TFEC: variants seen among roughly 807,000 people sequenced by gnomAD.
The protein encoded by TFEC is class E basic helix-loop-helix protein 34.
A neutral mutation model predicts 41.6 loss-of-function variants in TFEC; 31 were observed. The observed-to-expected ratio is 0.74, with a 90% CI of 0.56 to 1.01. The LOEUF is 1.01. TFEC is among the 50% of genes least tolerant of loss of function. TFEC has a pLI of 0.00. For missense variants in TFEC, 402 were observed against 404.1 expected, an observed-to-expected ratio of 0.99 and a Z score of 0.04; for synonymous variants, 143 against 140.6, an observed-to-expected ratio of 1.02 and a Z score of -0.12.
At position 115,938,771 on chromosome 7, in the gene TFEC, G is replaced by C. The variant is rs1262152544; in HGVS notation, c.*1780C>G. The C allele has an allele frequency of 6.6e-6, 1 of 151,718 alleles. No homozygotes were observed. The highest frequency in any genetic ancestry group is 2.4e-5 in the African/African-American group (1 of 41,354). The allele number at this position is 151,718 out of a possible 1,614,324, so 9.4% of individuals were successfully genotyped here. On this transcript the variant is annotated 3_prime_UTR_variant, in exon 8 of 8. Coordinates refer to ENST00000265440, the MANE Select transcript of TFEC (RefSeq NM_012252.4). ...TCACTCATTAGTAATATATATTTTA[G>C]TTTTTAGCATCCTCCCTGCTACTAA...
chr7:116,133,062 T>C (rs1237761950), intron 1 of TFEC, among the ~76,000 whole-genome samples: 1 of 152,120 alleles, frequency 6.6e-6, no homozygotes, highest in Non-Finnish European at 1.5e-5. Context: ...AAAAAGAAAA[T>C]AAATGTATGC....
chr7:115,987,196 A>G (rs1353773362), intron 1 of TFEC, among the ~76,000 whole-genome samples: 1 of 152,196 alleles, frequency 6.6e-6, no homozygotes, highest in Admixed American at 6.5e-5. Context: ...TCTGTACAAC[A>G]TCTGTAAACT....
intron 1 of TFEC, among the ~76,000 whole-genome samples, chr7:116,155,732 G>A (rs888243381): frequency 9.2e-5 from 14 of 152,146 alleles, no homozygotes; most frequent in African/African-American, 3.4e-4. Context: ...AAAAGATTAG[G>A]TTGGCTGACT....
intron 1 of TFEC, among the ~76,000 whole-genome samples, chr7:116,151,733 C>A (rs935129841): frequency 2.0e-5 from 3 of 151,986 alleles, no homozygotes; most frequent in African/African-American, 7.2e-5. Context: ...GGGAGATTTA[C>A]ATTTTAATGG....
At chr7:115,953,009 T>G (rs1792027965) in intron 5 of TFEC, among the ~76,000 whole-genome samples, 1 of 152,098 alleles carries the variant, frequency 6.6e-6, no homozygotes, top group East Asian at 1.9e-4. Context: ...TCCATCCTCC[T>G]GAAGACAGAA....
chr7:115,982,452 A>G (rs886359606), intron 2 of TFEC, among the ~76,000 whole-genome samples: 3 of 152,324 alleles, frequency 2.0e-5, no homozygotes, highest in South Asian at 4.1e-4. Context: ...CTATTGCGAC[A>G]ACACAGGGTA....
intron 1 of TFEC, among the ~76,000 whole-genome samples, chr7:116,008,798 G>A (rs939609058): frequency 1.6e-4 from 25 of 152,062 alleles, no homozygotes; most frequent in African/African-American, 5.6e-4. Flanking sequence ...AGTAGAGCCC[G>A]GTTCATCAAA....
chr7:116,003,913 A>C (rs1012526187), intron 1 of TFEC, among the ~76,000 whole-genome samples: 3 of 152,192 alleles, frequency 2.0e-5, no homozygotes, highest in Non-Finnish European at 4.4e-5. Context: ...TCTCAAAGCA[A>C]GTTTTAAAAT....
intron 1 of TFEC, among the ~76,000 whole-genome samples, chr7:115,988,385 A>G (rs946899089): frequency 7.2e-5 from 11 of 152,162 alleles, no homozygotes; most frequent in African/African-American, 2.7e-4. Flanking sequence ...GAAAAAAAAC[A>G]AAAAGGAATA....
chr7:116,087,989 C>G (rs1797238698), intron 3 of TFEC, among the ~76,000 whole-genome samples: 1 of 152,048 alleles, frequency 6.6e-6, no homozygotes, highest in Admixed American at 6.6e-5. Context: ...TACTTGTTAT[C>G]ACAATTCCCT....
intron 3 of TFEC, among the ~76,000 whole-genome samples, chr7:116,039,903 G>A (rs1795996780): frequency 6.6e-6 from 1 of 152,054 alleles, no homozygotes; most frequent in Admixed American, 6.6e-5. Context: ...ATTTTTAACT[G>A]TGATGAAACT....
At chr7:116,044,265 A>C (rs2130930869) in intron 3 of TFEC, among the ~76,000 whole-genome samples, 1 of 152,288 alleles carries the variant, frequency 6.6e-6, no homozygotes, top group East Asian at 1.9e-4. Flanking sequence ...AGCAAGTCTT[A>C]TAGCTACCAG....
At chr7:116,049,824 C>G (rs575739417) in intron 3 of TFEC, among the ~76,000 whole-genome samples, 1 of 152,158 alleles carries the variant, frequency 6.6e-6, no homozygotes, top group East Asian at 1.9e-4. Context: ...GATTAAGAAA[C>G]TCACTCAAAA....
At chr7:116,064,197 AT>A (rs1796638892) in intron 3 of TFEC, among the ~76,000 whole-genome samples, 1 of 152,124 alleles carries the variant, frequency 6.6e-6, no homozygotes, top group African/African-American at 2.4e-5. Context: ...AATGTACTAT[AT>A]TGTTAAAAAT....
intron 1 of TFEC, among the ~76,000 whole-genome samples, chr7:115,989,658 G>A (rs148405076): frequency 1.6e-4 from 25 of 152,318 alleles, no homozygotes; most frequent in East Asian, 1.9e-4. Context: ...ACTGCAAGGC[G>A]GCAGCGAGGC....
chr7:116,116,085 G>T (rs777564994), intron 1 of TFEC, among the ~76,000 whole-genome samples: 2 of 151,970 alleles, frequency 1.3e-5, no homozygotes, highest in Middle Eastern at 3.4e-3. Context: ...TTACATGGTT[G>T]GTGTGAGTAT....
At chr7:116,120,818 ATCTAAATAACTCTG>A in intron 1 of TFEC, among the ~76,000 whole-genome samples, 1 of 152,054 alleles carries the variant, frequency 6.6e-6, no homozygotes, top group Non-Finnish European at 1.5e-5. Context: ...TATCTTCACT[ATCTAAATAACTCTG>A]TCTTTGGGGC....
chr7:116,056,493 G>A (rs1202951299), intron 3 of TFEC, among the ~76,000 whole-genome samples: 1 of 152,166 alleles, frequency 6.6e-6, no homozygotes. Flanking sequence ...GACTAGAGGT[G>A]ACAGTGACCA....
At chr7:115,990,134 G>A (rs1794041195) in intron 1 of TFEC, among the ~76,000 whole-genome samples, 1 of 152,296 alleles carries the variant, frequency 6.6e-6, no homozygotes, top group South Asian at 2.1e-4. Flanking sequence ...TGGACCTCCA[G>A]CAAACTCCAA....
Sources: gnomAD v4.1 joint callset for allele counts (sites outside exome capture counted in the v4.1 genomes callset) on GRCh38, gnomAD v4.1.1 for gene constraint, MANE v1.5 for transcripts, NCBI Gene and HGNC (gene_info 2026-07-23, HGNC 2026-07-21) for gene names.